Variants in PTPRT observed in about 807,000 individuals in gnomAD.
PTPRT encodes receptor-type tyrosine-protein phosphatase T.
In PTPRT, 56 loss-of-function variants were observed where a neutral mutation model predicts 176.8. The observed-to-expected ratio is 0.32, with a 90% CI of 0.26 to 0.40. PTPRT has a LOEUF of 0.40. PTPRT is among the 10% of genes least tolerant of loss of function. PTPRT has a pLI of 1.00. For synonymous variants in PTPRT, 783 were observed against 739.0 expected (o/e 1.06, Z -0.96); for missense variants, 1,540 against 1,908.2 (o/e 0.81, Z 3.60).
chr20:42,552,537 A>T (rs8118820), intron 7 of PTPRT, among the ~76,000 whole-genome samples: 24,013 of 152,142 alleles, frequency 0.16, 2,239 homozygotes, highest in Admixed American at 0.28. Flanking sequence ...TGAATATAAA[A>T]TTTTTTGCAC....
intron 7 of PTPRT, among the ~76,000 whole-genome samples, chr20:42,490,101 C>T (rs1253059870): frequency 6.6e-6 from 1 of 152,194 alleles, no homozygotes; most frequent in African/African-American, 2.4e-5. Context: ...TATTGATCCA[C>T]TGCCTATTAC....
At chr20:42,163,549 G>C (rs866545920) in intron 16 of PTPRT, among the ~76,000 whole-genome samples, 1 of 152,148 alleles carries the variant, frequency 6.6e-6, no homozygotes, top group Non-Finnish European at 1.5e-5. Flanking sequence ...GACTTACTGA[G>C]AACCCACTCT....
intron 1 of PTPRT, chr20:42,970,972 T>C (rs1982601789): frequency 6.6e-6 from 1 of 152,224 alleles, no homozygotes; most frequent in African/African-American, 2.4e-5. Flanking sequence ...TTCATGTTCA[T>C]GGGCAGATGA....
intron 1 of PTPRT, among the ~76,000 whole-genome samples, chr20:43,115,950 G>T (rs138497235): frequency 6.6e-6 from 1 of 152,094 alleles, no homozygotes; most frequent in African/African-American, 2.4e-5. Context: ...AATAAACCTC[G>T]CAAGCCACTG....
At chr20:42,790,166 T>A (rs547252069) in intron 3 of PTPRT, among the ~76,000 whole-genome samples, 1 of 152,130 alleles carries the variant, frequency 6.6e-6, no homozygotes, top group African/African-American at 2.4e-5. Flanking sequence ...AGTCATGGGA[T>A]TGCACACTTA....
intron 23 of PTPRT, among the ~76,000 whole-genome samples, chr20:42,109,606 G>A (rs764177753): frequency 1.1e-4 from 16 of 152,122 alleles, no homozygotes; most frequent in Non-Finnish European, 1.5e-4. Context: ...CCACCAAGGC[G>A]CCCTGCTGCC....
At chr20:42,277,910 A>ATCCG (rs1456186288) in intron 13 of PTPRT, among the ~76,000 whole-genome samples, 3 of 149,858 alleles carry the variant, frequency 2.0e-5, no homozygotes, top group East Asian at 3.9e-4. Flanking sequence ...CCATCCATCC[A>ATCCG]TCCATCCATC....
At chr20:42,872,458 A>G (rs558211038) in intron 2 of PTPRT, among the ~76,000 whole-genome samples, 9 of 152,332 alleles carry the variant, frequency 5.9e-5, no homozygotes, top group African/African-American at 2.2e-4. Flanking sequence ...CTGGGCTCTC[A>G]GGGATAGATT....
chr20:42,257,603 G>C (rs1432533189), intron 13 of PTPRT, among the ~76,000 whole-genome samples: 1 of 141,378 alleles, frequency 7.1e-6, no homozygotes, highest in African/African-American at 2.8e-5. Flanking sequence ...GTGAGTTCTC[G>C]TGAGATCTGG....
At position 43,081,006 on chromosome 20, in the gene PTPRT, G is replaced by A. The variant is rs144993398; in HGVS notation, c.88+108640C>T. ...CTTGCACTTCAGGGATAAATCCAGT[G>A]ATATATGATTTTTTAATACGATGTT... is the stretch of plus-strand genomic sequence containing the variant. On this transcript the variant is annotated intron_variant, in intron 1 of 30. Transcript: ENST00000373187. 8.5e-5 allele frequency among the ~76,000 whole-genome samples: 13 copies of A among 152,312 alleles called. No individual in the cohort carries two copies. In the East Asian group the frequency reaches 2.1e-3, roughly 25 times the overall value.
At chr20:42,565,446 T>C (rs764919739) in intron 7 of PTPRT, among the ~76,000 whole-genome samples, 25 of 152,006 alleles carry the variant, frequency 1.6e-4, no homozygotes, top group Admixed American at 3.3e-4. Context: ...CTGCCTCTGA[T>C]GCACACACGT....
At chr20:42,541,286 A>G (rs1010781564) in intron 7 of PTPRT, among the ~76,000 whole-genome samples, 7 of 152,108 alleles carry the variant, frequency 4.6e-5, no homozygotes, top group African/African-American at 1.4e-4. Context: ...TGAGCATTAC[A>G]TGGGGTGAAG....
At chr20:42,907,599 T>C (rs2079494962) in intron 1 of PTPRT, among the ~76,000 whole-genome samples, 1 of 152,092 alleles carries the variant, frequency 6.6e-6, no homozygotes. Flanking sequence ...TGGAGGAATT[T>C]CGGAAAACCC....
chr20:42,910,502 T>C (rs960312519), intron 1 of PTPRT, among the ~76,000 whole-genome samples: 16 of 152,212 alleles, frequency 1.1e-4, no homozygotes, highest in Admixed American at 9.8e-4. Context: ...AGAAATGATG[T>C]TGACAGGATG....
chr20:42,234,613 C>A (rs2056202486), intron 15 of PTPRT, among the ~76,000 whole-genome samples: 1 of 152,236 alleles, frequency 6.6e-6, no homozygotes, highest in South Asian at 2.1e-4. Flanking sequence ...AGAGGCATCT[C>A]TCAGCTAACG....
chr20:42,703,519 G>A (rs150006890), intron 6 of PTPRT, among the ~76,000 whole-genome samples: 81 of 152,290 alleles, frequency 5.3e-4, no homozygotes, highest in African/African-American at 1.6e-3. Flanking sequence ...GCAGAGCTAT[G>A]TGCAGTGGGC....
chr20:42,251,069 G>A lies in PTPRT; in HGVS notation c.2177-2247C>T, dbSNP rs543133116. ...AGGCTGGAGACATGATTTCTGAGAT[G>A]TGGCTAATCCACAATGTAGCAAGCA... On this transcript the variant is annotated intron_variant, in intron 13 of 30. Coordinates refer to ENST00000373187, the MANE Select transcript of PTPRT (RefSeq NM_007050.6). Among the ~76,000 whole-genome samples the A allele has an allele frequency of 2.6e-5, 4 of 152,332 alleles. No homozygotes were observed. In the East Asian group the frequency reaches 7.7e-4, roughly 29 times the overall value.
intron 7 of PTPRT, among the ~76,000 whole-genome samples, chr20:42,565,589 G>T (rs916489849): frequency 6.6e-6 from 1 of 152,124 alleles, no homozygotes; most frequent in Non-Finnish European, 1.5e-5. Context: ...CAGGTAGAAT[G>T]AACGAATTTG....
At chr20:42,243,154 G>A (rs1375960036) in intron 14 of PTPRT, among the ~76,000 whole-genome samples, 2 of 152,000 alleles carry the variant, frequency 1.3e-5, no homozygotes, top group Non-Finnish European at 2.9e-5. Flanking sequence ...GAGAATCCTG[G>A]GTGTTGGAAT....
Sources: gnomAD v4.1 joint callset for allele counts (sites outside exome capture counted in the v4.1 genomes callset) on GRCh38, gnomAD v4.1.1 for gene constraint, MANE v1.5 for transcripts, NCBI Gene and HGNC (gene_info 2026-07-23, HGNC 2026-07-21) for gene names.